Variants in ADAMTS14 observed in about 807,000 individuals in gnomAD.
The protein encoded by ADAMTS14 is ADAM metallopeptidase with thrombospondin type 1 motif 14.
ADAMTS14 carries 100 observed loss-of-function variants against 128.6 expected under a neutral mutation model. The ratio of observed to expected loss-of-function variants is 0.78; its 90% CI spans 0.66 to 0.92. ADAMTS14 has a LOEUF of 0.92. Ranked by LOEUF, ADAMTS14 falls within the 40% of genes least tolerant of loss-of-function variation. The pLI is 0.00. For synonymous variants in ADAMTS14, 665 were observed against 653.8 expected (o/e 1.02, Z -0.26); for missense variants, 1,562 against 1,658.6 (o/e 0.94, Z 1.01).
intron 19 of ADAMTS14, among the ~76,000 whole-genome samples, chr10:70,755,951 C>CA (rs2132754379): frequency 6.6e-6 from 1 of 152,290 alleles, no homozygotes; most frequent in South Asian, 2.1e-4. Context: ...ATTGCAACAG[C>CA]AAAACATTAG....
chr10:70,760,844 G>A lies in ADAMTS14; in HGVS notation c.3663G>A (p.Pro1221=), dbSNP rs376018318. The change falls in exon 22 of 22, where the codon CCG becomes CCA. Residue 1221 remains proline, a synonymous_variant. Transcript: ENST00000373207. ...GCACCAGCCTCCCTGCTGCCTCCCC[G>A]GTGACATGAGCTGTGCCCTGCCATC... ...HPGTSLPAAS[P]VT The A allele has an allele frequency of 2.0e-5, 31 of 1,571,938 alleles. No individual in the cohort carries two copies. The East Asian group carries it at 4.0e-4, about 21-fold the overall frequency.
At position 70,708,712 on chromosome 10, in the gene ADAMTS14, C is replaced by A. The variant is rs201394181; in HGVS notation, c.804C>A (p.Asp268Glu). Residue 268 changes from aspartate (D) to glutamate (E), a missense_variant, in exon 4 of 22, where the codon GAC becomes GAA. Coordinates refer to ENST00000373207, the MANE Select transcript of ADAMTS14 (RefSeq NM_080722.4). ...SYSIEVLLVV[D>E]DSVVRFHGKE... ...GCATCGAGGTGCTGCTGGTGGTGGA[C>A]GACTCGGTGGTTCGCTTCCATGGCA... 2 of 1,613,280 alleles carry A rather than the reference C, an allele frequency of 1.2e-6. No individual in the cohort carries two copies. Among genetic ancestry groups the A allele is most frequent in the South Asian group, 1.1e-5 (1 of 91,022 alleles).
chr10:70,743,515 G>C (rs779285041), intron 12 of ADAMTS14, 33 bp from the exon 13 acceptor site: 40 of 1,601,634 alleles, frequency 2.5e-5, no homozygotes, highest in South Asian at 8.9e-5. Context: ...TCTGAGCCCA[G>C]CTGGGGACTC....
At chr10:70,733,075 GC>G (rs1841701540) in intron 7 of ADAMTS14, among the ~76,000 whole-genome samples, 1 of 152,144 alleles carries the variant, frequency 6.6e-6, no homozygotes, top group Admixed American at 6.6e-5. Flanking sequence ...GACACCATCA[GC>G]CCTGTTAGAT....
chr10:70,714,555 G>A (rs913203398), intron 4 of ADAMTS14, among the ~76,000 whole-genome samples: 1 of 152,212 alleles, frequency 6.6e-6, no homozygotes, highest in African/African-American at 2.4e-5. Context: ...GGGCTTGTGA[G>A]TTAAACTGAA....
In ADAMTS14 at chr10:70,733,869, G is replaced by C; in HGVS notation, c.1209-16G>C. The stretch of plus-strand genomic sequence containing the variant: ...TCCTGGGATGTATCAGGACTCCTCT[G>C]TCTTCCCCATTCCAGGCTCGGCATG... On this transcript the variant is annotated splice_polypyrimidine_tract_variant and intron_variant, in intron 7 of 21. Transcript: ENST00000373207. 6.2e-7 allele frequency: 1 copy of C among 1,609,292 alleles called. No individual in the cohort carries two copies. The highest frequency in any genetic ancestry group is 1.7e-4 in the Middle Eastern group (1 of 6,038).
Position 70,753,874 on chromosome 10 carries a change from G to A in ADAMTS14, c.2804G>A (p.Cys935Tyr), listed in dbSNP as rs1229893591. ...GGGGTGCAGACACGGGGGATACAGT[G>A]CCTGCTGCCCCTCTCCAATGGAACC... ...KLGVQTRGIQ[C>Y]LLPLSNGTHK... Residue 935 changes from cysteine (C) to tyrosine (Y), a missense_variant, in exon 19 of 22, where the codon TGC becomes TAC. Cys to Tyr is a radical substitution (Grantham distance 194). Coordinates refer to ENST00000373207, the MANE Select transcript of ADAMTS14 (RefSeq NM_080722.4). 4 of 1,593,228 alleles carry A rather than the reference G, an allele frequency of 2.5e-6. No homozygotes were observed. The highest frequency in any genetic ancestry group is 1.7e-6 in the Non-Finnish European group (2 of 1,171,102).
At position 70,674,799 on chromosome 10, in the gene ADAMTS14, A is replaced by G; in HGVS notation, c.326A>G (p.Asn109Ser). The change falls in exon 2 of 22, where the codon AAT (asparagine) becomes AGT (serine). Residue 109 changes from asparagine to serine, a missense_variant. Transcript: ENST00000373207. ...GTGGGGCGCCACTCCCTCTACTTCAATGTCACTGTTTTCGGGAAGGAACTG... is the reference window on the plus strand; with the variant it reads ...GTGGGGCGCCACTCCCTCTACTTCAGTGTCACTGTTTTCGGGAAGGAACTG... ...GRVGRHSLYFNVTVFGKELHL... is the reference protein window; with the variant it reads ...GRVGRHSLYFSVTVFGKELHL... 1.9e-6 allele frequency: 3 copies of G among 1,613,760 alleles called. No individual in the cohort carries two copies. Among genetic ancestry groups the G allele is most frequent in the Non-Finnish European group, 2.5e-6 (3 of 1,180,004 alleles).
At chr10:70,728,192 G>T (rs902360374) in intron 4 of ADAMTS14, among the ~76,000 whole-genome samples, 1 of 152,038 alleles carries the variant, frequency 6.6e-6, no homozygotes, top group African/African-American at 2.4e-5. Context: ...CCTATGCCCG[G>T]TCAAGATTAG....
At chr10:70,704,838 G>A (rs961040998) in intron 3 of ADAMTS14, among the ~76,000 whole-genome samples, 3 of 149,916 alleles carry the variant, frequency 2.0e-5, no homozygotes, top group Non-Finnish European at 4.5e-5. Flanking sequence ...ACACACTGAC[G>A]CAAACACACG....
chr10:70,734,274 CT>C, intron 8 of ADAMTS14, among the ~76,000 whole-genome samples: 1 of 152,184 alleles, frequency 6.6e-6, no homozygotes, highest in East Asian at 1.9e-4. Flanking sequence ...TGCAGACCCC[CT>C]GGCTCATGGA....
intron 3 of ADAMTS14, among the ~76,000 whole-genome samples, chr10:70,708,122 C>G (rs1483184292): frequency 6.6e-6 from 1 of 152,182 alleles, no homozygotes; most frequent in Non-Finnish European, 1.5e-5. Flanking sequence ...ACAGGAGTAT[C>G]CCGGAGTTCC....
chr10:70,718,858 CT>C (rs970686805), intron 4 of ADAMTS14, among the ~76,000 whole-genome samples: 20 of 148,448 alleles, frequency 1.3e-4, no homozygotes, highest in South Asian at 2.2e-4. Flanking sequence ...TCTTCTTCTT[CT>C]TTTTTTTTTA....
At chr10:70,731,156 A>G (rs905594224) in intron 6 of ADAMTS14, among the ~76,000 whole-genome samples, 2 of 152,240 alleles carry the variant, frequency 1.3e-5, no homozygotes, top group Non-Finnish European at 2.9e-5. Flanking sequence ...ATGCAAATAG[A>G]CATAAGCCAG....
At chr10:70,737,971 A>G (rs1841879153) in intron 10 of ADAMTS14, among the ~76,000 whole-genome samples, 1 of 152,230 alleles carries the variant, frequency 6.6e-6, no homozygotes, top group African/African-American at 2.4e-5. Flanking sequence ...CATACTTGAA[A>G]TGAGTGAATT....
chr10:70,675,144 C>T, intron 2 of ADAMTS14, 149 bp downstream of exon 2: 1 of 959,916 alleles, frequency 1.0e-6, no homozygotes, highest in Non-Finnish European at 1.5e-6. Context: ...CCCCCGCGGG[C>T]CACTAGGTTC....
chr10:70,680,318 TC>T (rs1245243389), intron 2 of ADAMTS14, among the ~76,000 whole-genome samples: 3 of 151,998 alleles, frequency 2.0e-5, no homozygotes, highest in Non-Finnish European at 4.4e-5. Context: ...GAGAATCGCA[TC>T]GCTTGAACCC....
chr10:70,739,768 G>A (rs893336163), intron 11 of ADAMTS14, among the ~76,000 whole-genome samples: 6 of 152,214 alleles, frequency 3.9e-5, no homozygotes, highest in African/African-American at 1.4e-4. Flanking sequence ...TGGCTCTGGT[G>A]TCCTCAGGAG....
chr10:70,749,718 G>C, intron 15 of ADAMTS14, 104 bp from the exon 16 acceptor site: 1 of 1,391,686 alleles, frequency 7.2e-7, no homozygotes, highest in Non-Finnish European at 9.7e-7. Flanking sequence ...CCGGTGGACA[G>C]GAGCCCAGAA....
Sources: allele counts gnomAD v4.1 joint callset (sites outside exome capture counted in the v4.1 genomes callset), GRCh38; gene constraint gnomAD v4.1.1; transcripts MANE v1.5; gene names NCBI Gene and HGNC (gene_info 2026-07-23, HGNC 2026-07-21).